The following IER3IP1 variants were observed in gnomAD, a reference collection of about 807,000 sequenced individuals.
IER3IP1 encodes the protein immediate early response 3-interacting protein 1.
In IER3IP1, 16 loss-of-function variants were observed where a neutral mutation model predicts 12.2. That is an observed-to-expected ratio of 1.31 (90% CI 0.89 to 1.99). IER3IP1 has a LOEUF of 1.99. IER3IP1 is among the 30% of genes most tolerant of loss of function. The pLI is 0.00. For missense variants in IER3IP1, 95 were observed against 95.8 expected, an observed-to-expected ratio of 0.99 and a Z score of 0.03; for synonymous variants, 42 against 40.0, an observed-to-expected ratio of 1.05 and a Z score of -0.19.
At position 47,176,281 on chromosome 18, in the gene IER3IP1, C is replaced by T. The variant is rs2064033745; in HGVS notation, c.-4G>A. ...GTGAGTACAGGGTAAAGGCCATGGC[C>T]GTCCGAGGCCGCCCCGAAGTCCAAG... On this transcript the variant is annotated 5_prime_UTR_variant, in exon 1 of 3. Coordinates refer to ENST00000256433, the MANE Select transcript of IER3IP1 (RefSeq NM_016097.5). 5.6e-6 allele frequency: 9 copies of T among 1,602,522 alleles called. No homozygotes were observed. The highest frequency in any genetic ancestry group is 1.3e-5 in the African/African-American group (1 of 74,920).
intron 1 of IER3IP1, among the ~76,000 whole-genome samples, chr18:47,160,310 T>A (rs2144426500): frequency 6.6e-6 from 1 of 152,360 alleles, no homozygotes; most frequent in African/African-American, 2.4e-5. Flanking sequence ...GAAACAACAC[T>A]GGTGATCAAA....
intron 1 of IER3IP1, among the ~76,000 whole-genome samples, chr18:47,168,703 A>G (rs975063459): frequency 9.9e-5 from 15 of 152,154 alleles, no homozygotes; most frequent in Non-Finnish European, 1.9e-4. Context: ...ATTCTCATAC[A>G]TGTCTTTTGG....
At chr18:47,157,202 CAG>C (rs899313365) in intron 2 of IER3IP1, 2 of 518,026 alleles carry the variant, frequency 3.9e-6, no homozygotes, top group Non-Finnish European at 6.7e-6. Flanking sequence ...AACACACAAA[CAG>C]ATTATATGTA....
intron 2 of IER3IP1, 36 bp downstream of exon 2, chr18:47,157,400 A>G (rs1314077818): frequency 1.9e-5 from 29 of 1,566,238 alleles, no homozygotes; most frequent in Non-Finnish European, 2.4e-5. Flanking sequence ...CCACAACATT[A>G]AAACTTAAGA....
At chr18:47,164,712 G>A (rs918545134) in intron 1 of IER3IP1, among the ~76,000 whole-genome samples, 4 of 151,340 alleles carry the variant, frequency 2.6e-5, no homozygotes, top group Non-Finnish European at 5.9e-5. Context: ...AGCCTGGAAG[G>A]CCAAAGCTGC....
chr18:47,173,028 T>G (rs2064020014), intron 1 of IER3IP1, among the ~76,000 whole-genome samples: 1 of 152,214 alleles, frequency 6.6e-6, no homozygotes, highest in South Asian at 2.1e-4. Flanking sequence ...CATGACTTCA[T>G]TTATTATCTA....
At chr18:47,175,659 T>C (rs914272910) in intron 1 of IER3IP1, among the ~76,000 whole-genome samples, 9 of 152,042 alleles carry the variant, frequency 5.9e-5, no homozygotes, top group Admixed American at 2.6e-4. Context: ...GACGGGGTTT[T>C]ACCATGTTGG....
Position 47,168,153 on chromosome 18 carries a change from AAAT to A in IER3IP1, c.91+8031_91+8033del, listed in dbSNP as rs1373379059. Among the ~76,000 whole-genome samples the A allele has an allele frequency of 5.3e-4, 66 of 123,850 alleles. 15 individuals carry two copies. The highest frequency in any genetic ancestry group is 7.1e-4 in the East Asian group (3 of 4,246). 81.3% of individuals were successfully genotyped at this position (123,850 alleles called of 152,430 possible). A position where few individuals can be genotyped will look rare whatever the true frequency, so the allele number is the denominator to read the frequency against. On this transcript the variant is annotated intron_variant, in intron 1 of 2. Coordinates refer to ENST00000256433, the MANE Select transcript of IER3IP1 (RefSeq NM_016097.5). Reference sequence around the variant, plus strand: ...AAAAAAAAAAAAAAAAAAAAAAAAAAAATTTTAGCTAGGTGGTGGTGGGTTCCT... The same window carrying A: ...AAAAAAAAAAAAAAAAAAAAAAAAAATTTAGCTAGGTGGTGGTGGGTTCCT...
chr18:47,167,773 A>G (rs1392565561), intron 1 of IER3IP1, among the ~76,000 whole-genome samples: 1 of 152,190 alleles, frequency 6.6e-6, no homozygotes, highest in African/African-American at 2.4e-5. Flanking sequence ...AGAACCAAGT[A>G]TTTCTCTTAT....
intron 1 of IER3IP1, among the ~76,000 whole-genome samples, chr18:47,166,103 A>T (rs1023986913): frequency 8.0e-5 from 12 of 150,098 alleles, no homozygotes; most frequent in Non-Finnish European, 1.3e-4. Context: ...ATTATGTGGC[A>T]TTTTTTTTTT....
intron 1 of IER3IP1, among the ~76,000 whole-genome samples, chr18:47,164,636 G>T (rs1465355704): frequency 1.3e-5 from 2 of 151,972 alleles, no homozygotes; most frequent in Non-Finnish European, 2.9e-5. Context: ...TAAAAAGTTA[G>T]CCAGGTGTGG....
At chr18:47,159,766 T>C (rs1480510524) in intron 1 of IER3IP1, among the ~76,000 whole-genome samples, 4 of 152,172 alleles carry the variant, frequency 2.6e-5, no homozygotes, top group African/African-American at 9.7e-5. Flanking sequence ...TCACAATGAA[T>C]AGCTGCTTTT....
At chr18:47,167,169 G>T (rs1411719775) in intron 1 of IER3IP1, among the ~76,000 whole-genome samples, 3 of 151,974 alleles carry the variant, frequency 2.0e-5, no homozygotes, top group African/African-American at 7.3e-5. Flanking sequence ...TCTTGCCTCA[G>T]CCTTTCAAGC....
At chr18:47,158,114 G>GTTTA (rs1218060216) in intron 1 of IER3IP1, among the ~76,000 whole-genome samples, 2 of 152,136 alleles carry the variant, frequency 1.3e-5, no homozygotes, top group African/African-American at 4.8e-5. Flanking sequence ...AAATCCTGAA[G>GTTTA]TCTAAAATCC....
intron 1 of IER3IP1, among the ~76,000 whole-genome samples, chr18:47,162,556 T>C (rs1428176200): frequency 6.6e-6 from 1 of 152,122 alleles, no homozygotes; most frequent in Non-Finnish European, 1.5e-5. Context: ...CAGCTCTTGC[T>C]ACATTAGGAT....
chr18:47,170,533 A>C (rs2064012000), intron 1 of IER3IP1, among the ~76,000 whole-genome samples: 1 of 152,110 alleles, frequency 6.6e-6, no homozygotes, highest in Non-Finnish European at 1.5e-5. Context: ...TGAATATGGG[A>C]AGTCTTTATC....
intron 1 of IER3IP1, among the ~76,000 whole-genome samples, chr18:47,159,600 T>C (rs1017244522): frequency 1.3e-5 from 2 of 151,966 alleles, no homozygotes; most frequent in East Asian, 3.9e-4. Context: ...CAATTGAAAA[T>C]AGTGAAAACA....
chr18:47,157,539 T>C lies in IER3IP1; in HGVS notation c.92-2A>G. 6.2e-7 allele frequency: 1 copy of C among 1,613,154 alleles called. No individual in the cohort carries two copies. On this transcript the variant is annotated splice_acceptor_variant, in intron 1 of 2. Coordinates refer to ENST00000256433, the MANE Select transcript of IER3IP1 (RefSeq NM_016097.5). LOFTEE classifies it high-confidence loss of function. ...TTCCCTGGTCTGTTCCCCAGCCAAC[T>C]GTATAATGTAAAGATTAGCTGTGTT... is the stretch of plus-strand genomic sequence containing the variant.
rs1040334670 is a variant in IER3IP1 at position 47,154,563 on chromosome 18, A to G, written c.*1614T>C. 2 of 152,206 alleles carry G rather than the reference A, an allele frequency of 1.3e-5. No individual in the cohort carries two copies. The highest frequency in any genetic ancestry group is 4.8e-5 in the African/African-American group (2 of 41,456). The allele number at this position is 152,206 out of a possible 1,614,324, so 9.4% of individuals were successfully genotyped here. A position where few individuals can be genotyped will look rare whatever the true frequency, so the allele number is the denominator to read the frequency against. ...TGTACTGCTCATACCATATGGGGAAATGGGCCTGCCCTCAAGTAACTGCTT... is the reference window on the plus strand; with the variant it reads ...TGTACTGCTCATACCATATGGGGAAGTGGGCCTGCCCTCAAGTAACTGCTT... On this transcript the variant is annotated 3_prime_UTR_variant, in exon 3 of 3. Transcript: ENST00000256433.
Sources: allele counts gnomAD v4.1 joint callset (sites outside exome capture counted in the v4.1 genomes callset), GRCh38; gene constraint gnomAD v4.1.1; transcripts MANE v1.5; gene names NCBI Gene and HGNC (gene_info 2026-07-23, HGNC 2026-07-21).